The following TRMT61A variants were observed in gnomAD, a reference collection of about 807,000 sequenced individuals.
TRMT61A encodes tRNA (adenine(58)-N(1))-methyltransferase catalytic subunit TRMT61A.
In TRMT61A, 15 loss-of-function variants were observed where a neutral mutation model predicts 21.3. That is an observed-to-expected ratio of 0.70 (90% CI 0.47 to 1.08). The LOEUF (loss-of-function observed/expected upper bound fraction) is 1.08, where lower values mean the gene tolerates loss of function less well. Among genes scored for constraint, TRMT61A ranks in the 50% least tolerant of loss-of-function variants. The pLI, the probability that TRMT61A is intolerant of heterozygous loss-of-function variation, is 0.00. For missense variants in TRMT61A, 352 were observed against 426.7 expected (o/e 0.83, Z 1.54); for synonymous variants, 183 against 185.5 (o/e 0.99, Z 0.11).
chr14:103,534,566 C>T lies in TRMT61A; in HGVS notation c.615C>T (p.Ser205=). 3 of 1,568,054 alleles carry T rather than the reference C, an allele frequency of 1.9e-6. No homozygotes were observed. Among genetic ancestry groups the T allele is most frequent in the Non-Finnish European group, 2.6e-6 (3 of 1,150,970 alleles). The part of the protein sequence containing the change: ...ALKVEGGRFC[S]FSPCIEQVQR... ...TTCCCACAGGCGGGCGCTTCTGCTC[C>T]TTCTCACCGTGCATCGAGCAGGTGC... The change falls in exon 4 of 4, where the codon TCC becomes TCT. Residue 205 remains serine (S), a synonymous_variant. Coordinates refer to ENST00000389749, the MANE Select transcript of TRMT61A (RefSeq NM_152307.3).
In TRMT61A at chr14:103,530,271, T is replaced by C. The variant is rs373763921; in HGVS notation, c.293T>C (p.Met98Thr). Residue 98 changes from methionine to threonine, a missense_variant, in exon 2 of 4, where the codon ATG (methionine) becomes ACG (threonine). Met to Thr is a moderately conservative substitution (Grantham distance 81, BLOSUM62 -1). Coordinates refer to ENST00000389749, the MANE Select transcript of TRMT61A (RefSeq NM_152307.3). ...ACAGACATCGCCCTCATCACCATGA[T>C]GTTGGAGCTTCGGCCCGGCTCTGTG... The part of the protein sequence containing the change: ...YSTDIALITM[M>T]LELRPGSVVC... 3.1e-6 allele frequency: 5 copies of C among 1,595,982 alleles called. No homozygotes were observed. The highest frequency in any genetic ancestry group is 4.3e-6 in the Non-Finnish European group (5 of 1,165,546).
In TRMT61A at chr14:103,534,984, T is replaced by A; in HGVS notation, c.*163T>A. The A allele has an allele frequency of 1.1e-6, 1 of 877,168 alleles. No homozygotes were observed. The highest frequency in any genetic ancestry group is 1.8e-6 in the Non-Finnish European group (1 of 545,476). 54.3% of individuals were successfully genotyped at this position (877,168 alleles called of 1,614,324 possible). The stretch of plus-strand genomic sequence containing the variant: ...AGTGGGACAGCAGGAAGGGCGGCTG[T>A]GATGGAGGAGCAGTGCTGGGGCTGG... On this transcript the variant is annotated 3_prime_UTR_variant, in exon 4 of 4. Coordinates refer to ENST00000389749, the MANE Select transcript of TRMT61A (RefSeq NM_152307.3).
rs1274305713 is a variant in TRMT61A, at chr14:103,530,165, G to T, written c.187G>T (p.Gly63Cys). 2 of 1,612,826 alleles carry T rather than the reference G, an allele frequency of 1.2e-6. No individual in the cohort carries two copies. The highest frequency in any genetic ancestry group is 1.7e-6 in the Non-Finnish European group (2 of 1,179,984). ...CGGCTCCAAGGTGACGTGCGGCCGA[G>T]GTGGCTGGGTGTATGTGCTGCACCC... ...PFGSKVTCGR[G>C]GWVYVLHPTP... is the part of the protein sequence containing the mutation. Residue 63 changes from glycine to cysteine, a missense_variant, in exon 2 of 4, where the codon GGT becomes TGT. By Grantham distance (159) the Gly-to-Cys change is radical. Coordinates refer to ENST00000389749, the MANE Select transcript of TRMT61A (RefSeq NM_152307.3).
rs908798480 is a variant in TRMT61A at position 103,536,872 on chromosome 14, T to C, written c.*2051T>C. 3 of 152,076 alleles carry C rather than the reference T, an allele frequency of 2.0e-5. No homozygotes were observed. The highest frequency in any genetic ancestry group is 7.2e-5 in the African/African-American group (3 of 41,392). The allele number at this position is 152,076 out of a possible 1,614,324, so 9.4% of individuals were successfully genotyped here. ...CGGGAGGTCCCAGCCCACCCTTAGT[T>C]GTCACATGGGACAGAGTTGCTGTGT... On this transcript the variant is annotated 3_prime_UTR_variant, in exon 4 of 4. Coordinates refer to ENST00000389749, the MANE Select transcript of TRMT61A (RefSeq NM_152307.3).
Position 103,531,145 on chromosome 14 carries a change from G to A in TRMT61A, c.331+836G>A, listed in dbSNP as rs1222397467. ...GCTCAATCAAGCAGCACCTTCTCCT[G>A]GCCTCCTCAGATATGCCAGGTCCCC... On this transcript the variant is annotated intron_variant, in intron 2 of 3. Transcript: ENST00000389749. This position sits in a 1 kb window ranked among gnomAD's most constrained non-coding sequence, Gnocchi z 5.1. Among the ~76,000 whole-genome samples the A allele has an allele frequency of 6.6e-6, 1 of 152,148 alleles. No individual in the cohort carries two copies. Among genetic ancestry groups the A allele is most frequent in the African/African-American group, 2.4e-5 (1 of 41,422 alleles).
In TRMT61A at chr14:103,535,661, A is replaced by G. The variant is rs188175045; in HGVS notation, c.*840A>G. On this transcript the variant is annotated 3_prime_UTR_variant, in exon 4 of 4. Transcript: ENST00000389749. ...CCTACCCCTCACAGAAGCCAAGGGC[A>G]TGGAGGAGGTCCCTCCACAGTGACA... 24 of 305,488 alleles carry G rather than the reference A, an allele frequency of 7.9e-5. No homozygotes were observed. The East Asian group carries it at 2.2e-3, about 27-fold the overall frequency. The allele number at this position is 305,488 out of a possible 1,614,324, so 18.9% of individuals were successfully genotyped here.
At position 103,534,413 on chromosome 14, in the gene TRMT61A, T is replaced by TC. The variant is rs565896533; in HGVS notation, c.599-137_599-136insC. ...CCCCTCTGCCCTGCAGTCCCAGCTC[T>TC]TGGAGAGCTTGCAGTCTGTGTTGGG... On this transcript the variant is annotated intron_variant, in intron 3 of 3. Coordinates refer to ENST00000389749, the MANE Select transcript of TRMT61A (RefSeq NM_152307.3). 8.9e-4 allele frequency: 944 copies of TC among 1,058,242 alleles called. 20 individuals are homozygous for TC. The East Asian group carries it at 0.022, about 25-fold the overall frequency. 65.6% of individuals were successfully genotyped at this position (1,058,242 alleles called of 1,614,324 possible).
intron 3 of TRMT61A, among the ~76,000 whole-genome samples, chr14:103,534,208 G>T (rs896186145): frequency 2.0e-5 from 3 of 152,382 alleles, no homozygotes; most frequent in Admixed American, 6.5e-5. Context: ...GCTGCTCCGG[G>T]CCCAGAGCTC....
rs924076688 is a variant in TRMT61A, at chr14:103,534,825, G to T, written c.*4G>T. ...CGCCACCAAGACCCCAGGCTAGGGG[G>T]CCGCCTCCCAGGGCACCAGGGAGCT... On this transcript the variant is annotated 3_prime_UTR_variant, in exon 4 of 4. Transcript: ENST00000389749. 1 of 1,543,634 alleles carries T rather than the reference G, an allele frequency of 6.5e-7. No homozygotes were observed. The highest frequency in any genetic ancestry group is 2.4e-5 in the East Asian group (1 of 42,008).
intron 1 of TRMT61A, 60 bp downstream of exon 1, chr14:103,529,321 C>T (rs937657618): frequency 2.0e-4 from 44 of 218,930 alleles, no homozygotes; most frequent in African/African-American, 1.0e-3. Flanking sequence ...GGGCCGGGCA[C>T]GGCGCGCAGG....
intron 1 of TRMT61A, 71 bp downstream of exon 1, chr14:103,529,332 G>C: frequency 4.7e-6 from 1 of 213,214 alleles, no homozygotes; most frequent in Non-Finnish European, 9.8e-6. Flanking sequence ...GGCGCGCAGG[G>C]CCTGTCCCTC....
At chr14:103,533,359 C>T (rs1433699786) in intron 3 of TRMT61A, among the ~76,000 whole-genome samples, 1 of 152,208 alleles carries the variant, frequency 6.6e-6, no homozygotes, top group African/African-American at 2.4e-5. Context: ...TTCTTCCCAG[C>T]TGAGAGTTGT....
chr14:103,534,406 C>G, intron 3 of TRMT61A, 144 bp from the exon 4 acceptor site: 1 of 990,474 alleles, frequency 1.0e-6, no homozygotes, highest in Non-Finnish European at 1.4e-6. Context: ...CCCTGCAGTC[C>G]CAGCTCTTGG....
Position 103,534,907 on chromosome 14 carries a change from C to T in TRMT61A, c.*86C>T. On this transcript the variant is annotated 3_prime_UTR_variant, in exon 4 of 4. Transcript: ENST00000389749. ...GAGGCACCTTATATGGTCAGCGATG[C>T]CTGCCAGACACAGACGGTGGGGTGG... 1.3e-6 allele frequency: 2 copies of T among 1,499,584 alleles called. No individual in the cohort carries two copies. The highest frequency in any genetic ancestry group is 1.8e-6 in the Non-Finnish European group (2 of 1,114,944). 92.9% of individuals were successfully genotyped at this position (1,499,584 alleles called of 1,614,324 possible).
chr14:103,532,702 A>G lies in TRMT61A; in HGVS notation c.452A>G (p.His151Arg), dbSNP rs1566965933. The change falls in exon 3 of 4, where the codon CAC (histidine) becomes CGC (arginine). Residue 151 changes from histidine to arginine, a missense_variant. Coordinates refer to ENST00000389749, the MANE Select transcript of TRMT61A (RefSeq NM_152307.3). ...AEKAREEFQE[H>R]RVGRWVTVRT... Reference sequence around the variant, plus strand: ...AAGGCCCGGGAGGAGTTCCAGGAGCACCGTGTGGGCCGCTGGGTGACTGTG... The same window carrying G: ...AAGGCCCGGGAGGAGTTCCAGGAGCGCCGTGTGGGCCGCTGGGTGACTGTG... 1 of 1,613,100 alleles carries G rather than the reference A, an allele frequency of 6.2e-7. No homozygotes were observed. Among genetic ancestry groups the G allele is most frequent in the South Asian group, 1.1e-5 (1 of 91,056 alleles).
Position 103,535,088 on chromosome 14 carries a change from G to T in TRMT61A, c.*267G>T. The T allele has an allele frequency of 7.4e-6, 5 of 678,464 alleles. No homozygotes were observed. Among genetic ancestry groups the T allele is most frequent in the Non-Finnish European group, 1.4e-5 (5 of 369,986 alleles). 42.0% of individuals were successfully genotyped at this position (678,464 alleles called of 1,614,324 possible). A position where few individuals can be genotyped will look rare whatever the true frequency, so the allele number is the denominator to read the frequency against. ...CAATATGAAGTATCCACTGCCACAG[G>T]CTCCCCTGGGTGTTGAAGCCAAAGG... On this transcript the variant is annotated 3_prime_UTR_variant, in exon 4 of 4. Coordinates refer to ENST00000389749, the MANE Select transcript of TRMT61A (RefSeq NM_152307.3).
rs777257512 is a variant in TRMT61A at position 103,534,710 on chromosome 14, C to T, written c.759C>T (p.Gly253=). Residue 253 remains glycine, a synonymous_variant, in exon 4 of 4, where the codon GGC becomes GGT. Transcript: ENST00000389749. ...TGCCACCGCCCGACCTGGGCACAGG[C>T]ACAGATGGCCCTGCCGGCTCCGACA... is the stretch of plus-strand genomic sequence containing the variant. ...VSLPPPDLGT[G]TDGPAGSDTS... 2.5e-6 allele frequency: 4 copies of T among 1,606,842 alleles called. No individual in the cohort carries two copies. The highest frequency in any genetic ancestry group is 3.4e-6 in the Non-Finnish European group (4 of 1,179,174).
rs2075969541 is a variant in TRMT61A at position 103,535,189 on chromosome 14, AC to A, written c.*371del. 1.9e-6 allele frequency: 1 copy of A among 513,918 alleles called. No homozygotes were observed. Among genetic ancestry groups the A allele is most frequent in the Non-Finnish European group, 3.8e-6 (1 of 264,626 alleles). The allele number at this position is 513,918 out of a possible 1,614,324, so 31.8% of individuals were successfully genotyped here. A position where few individuals can be genotyped will look rare whatever the true frequency, so the allele number is the denominator to read the frequency against. ...GGGTGGAGGAGGGAGGGGGGCATTG[AC>A]CCTGAGACCACGCTGCGTCTGACCC... On this transcript the variant is annotated 3_prime_UTR_variant, in exon 4 of 4. Transcript: ENST00000389749.
chr14:103,530,383 C>T (rs1302505849), intron 2 of TRMT61A, 74 bp downstream of exon 2: 22 of 1,334,488 alleles, frequency 1.6e-5, no homozygotes, highest in Admixed American at 1.2e-4. Flanking sequence ...CCAGCCTGCC[C>T]TTCCTACAGA....
Sources: gnomAD v4.1 joint callset for allele counts (sites outside exome capture counted in the v4.1 genomes callset) on GRCh38, gnomAD v4.1.1 for gene constraint, Gnocchi (gnomAD v3.1) non-coding constraint, MANE v1.5 for transcripts, NCBI Gene and HGNC (gene_info 2026-07-23, HGNC 2026-07-21) for gene names.